Variants in HMGCS1 observed in about 807,000 individuals in gnomAD.
HMGCS1 encodes hydroxymethylglutaryl-CoA synthase, cytoplasmic.
A neutral mutation model predicts 52.3 loss-of-function variants in HMGCS1; 9 were observed. The ratio of observed to expected loss-of-function variants is 0.17; its 90% CI spans 0.10 to 0.30. The LOEUF is 0.30. HMGCS1 is among the 10% of genes least tolerant of loss of function. HMGCS1 has a pLI of 1.00. For synonymous variants in HMGCS1, 176 were observed against 214.4 expected, an observed-to-expected ratio of 0.82 and a Z score of 1.57; for missense variants, 320 against 620.9, an observed-to-expected ratio of 0.52 and a Z score of 5.15.
intron 2 of HMGCS1, among the ~76,000 whole-genome samples, chr5:43,307,067 AT>A (rs59297862): frequency 0.37 from 45,631 of 123,524 alleles, 7,447 homozygotes; most frequent in Middle Eastern, 0.47. Flanking sequence ...TTCTCACATA[AT>A]TTTTTTTTTT....
At chr5:43,295,696 C>G in intron 6 of HMGCS1, 56 bp downstream of exon 6, 1 of 1,296,688 alleles carries the variant, frequency 7.7e-7, no homozygotes, top group Non-Finnish European at 1.1e-6. Flanking sequence ...AACAGCTTAA[C>G]AGATATTAAA....
chr5:43,293,512 T>C (rs924515829), intron 8 of HMGCS1, among the ~76,000 whole-genome samples: 2 of 151,818 alleles, frequency 1.3e-5, no homozygotes, highest in East Asian at 3.9e-4. Context: ...CATAAGCCTA[T>C]AAAAATTAGA....
At chr5:43,301,436 C>T (rs1214572180) in intron 2 of HMGCS1, among the ~76,000 whole-genome samples, 5 of 151,836 alleles carry the variant, frequency 3.3e-5, no homozygotes, top group South Asian at 2.1e-4. Flanking sequence ...TTTCCAACTC[C>T]GGAATCAATT....
chr5:43,307,247 A>G (rs2111732770), intron 2 of HMGCS1, among the ~76,000 whole-genome samples: 1 of 151,720 alleles, frequency 6.6e-6, no homozygotes, highest in Middle Eastern at 3.4e-3. Context: ...ATTTTTTTGT[A>G]TTTTTAGTAG....
At position 43,287,470 on chromosome 5, in the gene HMGCS1, TTGAA is replaced by T. The variant is rs1753547401; in HGVS notation, c.*3657_*3660del. On this transcript the variant is annotated 3_prime_UTR_variant, in exon 11 of 11. Transcript: ENST00000325110. ...AAAAAACAGAGCCTGAGAGAAAAGCTTGAATGAAAGTCATTTATTTGAGAAGCGA... is the reference window on the plus strand; with the variant it reads ...AAAAAACAGAGCCTGAGAGAAAAGCTTGAAAGTCATTTATTTGAGAAGCGA... 1 of 152,170 alleles carries T rather than the reference TTGAA, an allele frequency of 6.6e-6. No homozygotes were observed. Among genetic ancestry groups the T allele is most frequent in the Non-Finnish European group, 1.5e-5 (1 of 68,048 alleles). 9.4% of individuals were successfully genotyped at this position (152,170 alleles called of 1,614,324 possible).
chr5:43,292,547 G>A lies in HMGCS1; in HGVS notation c.1400C>T (p.Ala467Val), dbSNP rs1161052398. 2 of 1,613,960 alleles carry A rather than the reference G, an allele frequency of 1.2e-6. No individual in the cohort carries two copies. The highest frequency in any genetic ancestry group is 2.7e-5 in the African/African-American group (2 of 75,036). The change falls in exon 10 of 11, where the codon GCT becomes GTT. Residue 467 changes from alanine (A) to valine (V), a missense_variant. By Grantham distance (64) the Ala-to-Val change is moderately conservative. Transcript: ENST00000325110. ...GTCATCATTTGGAGTGGGACGCCGAGCGTAAGTTCTTCTGTGCTTTTCATC... is the reference window on the plus strand; with the variant it reads ...GTCATCATTTGGAGTGGGACGCCGAACGTAAGTTCTTCTGTGCTTTTCATC... Reference protein sequence around the residue: ...RVDEKHRRTYARRPTPNDDTL... With the variant: ...RVDEKHRRTYVRRPTPNDDTL...
chr5:43,311,322 CAA>C (rs34754612), intron 1 of HMGCS1, among the ~76,000 whole-genome samples: 137 of 98,298 alleles, frequency 1.4e-3, no homozygotes, highest in African/African-American at 1.4e-3. Flanking sequence ...TCTGTCTCCC[CAA>C]AAAAAAAAAA....
chr5:43,293,003 G>T, intron 8 of HMGCS1, 30 bp from the exon 9 acceptor site: 8 of 1,548,138 alleles, frequency 5.2e-6, no homozygotes, highest in Non-Finnish European at 6.1e-6. Context: ...AACATTAAAA[G>T]ATTTTTTTGA....
rs1257030341 is a variant in HMGCS1, at chr5:43,297,980, A to G, written c.574+29T>C. ...AATTTCTCAGCATATTGTGCTAAAAAAAACAAAAATGCTTTCCCAAGCACT... is the reference window on the plus strand; with the variant it reads ...AATTTCTCAGCATATTGTGCTAAAAGAAACAAAAATGCTTTCCCAAGCACT... On this transcript the variant is annotated intron_variant, in intron 4 of 10. Coordinates refer to ENST00000325110, the MANE Select transcript of HMGCS1 (RefSeq NM_001098272.3). 5 of 1,604,936 alleles carry G rather than the reference A, an allele frequency of 3.1e-6. No homozygotes were observed. The African/African-American group carries it at 4.0e-5, about 13-fold the overall frequency.
In HMGCS1 at chr5:43,304,516, A is replaced by C. The variant is rs375152842; in HGVS notation, c.-11+3250T>G. On this transcript the variant is annotated intron_variant, in intron 2 of 10. Transcript: ENST00000325110. ...ATAATGCTTGTACAATTCTCTATAA[A>C]AAGTTATAATGCAAGGCTTCCATTT... Among the ~76,000 whole-genome samples, 53 of 152,350 alleles carry C rather than the reference A, an allele frequency of 3.5e-4. 1 individual carries two copies. In the South Asian group the frequency reaches 9.3e-3, roughly 27 times the overall value.
Position 43,294,057 on chromosome 5 carries a change from C to T in HMGCS1, c.1182G>A (p.Pro394=), listed in dbSNP as rs182480352. ...YSLKVTQDAT[P]GSALDKITAS... is the part of the protein sequence containing the mutation. The stretch of plus-strand genomic sequence containing the variant: ...CTTGTTGAAAGATTCAGCACTTACC[C>T]GGTGTAGCATCTTGTGTGACTTTAA... The change falls in exon 8 of 11, where the codon CCG becomes CCA. Residue 394 remains proline, a splice_region_variant and synonymous_variant. Transcript: ENST00000325110. 72 of 1,576,292 alleles carry T rather than the reference C, an allele frequency of 4.6e-5. No homozygotes were observed. Among genetic ancestry groups the T allele is most frequent in the Middle Eastern group, 1.7e-4 (1 of 6,008 alleles).
At chr5:43,306,277 C>A (rs2111726509) in intron 2 of HMGCS1, among the ~76,000 whole-genome samples, 1 of 152,208 alleles carries the variant, frequency 6.6e-6, no homozygotes, top group East Asian at 1.9e-4. Context: ...GAGAATAAAT[C>A]TGGAAATGAA....
rs897116458 is a variant in HMGCS1 at position 43,288,623 on chromosome 5, C to T, written c.*2508G>A. On this transcript the variant is annotated 3_prime_UTR_variant, in exon 11 of 11. Coordinates refer to ENST00000325110, the MANE Select transcript of HMGCS1 (RefSeq NM_001098272.3). ...TAAGTGTACAAATAGAGGAAACACA[C>T]ATTCCATAAAGGAGAGGGGGAAAGA... 5.9e-5 allele frequency: 9 copies of T among 152,028 alleles called. No homozygotes were observed. The highest frequency in any genetic ancestry group is 1.3e-4 in the Non-Finnish European group (9 of 68,018). The allele number at this position is 152,028 out of a possible 1,614,324, so 9.4% of individuals were successfully genotyped here.
chr5:43,310,921 A>T (rs1040523973), intron 1 of HMGCS1, among the ~76,000 whole-genome samples: 1 of 152,214 alleles, frequency 6.6e-6, no homozygotes, highest in African/African-American at 2.4e-5. Context: ...GATGAAGACA[A>T]CACTTCAGGC....
In HMGCS1 at chr5:43,298,777, T is replaced by C; in HGVS notation, c.189A>G (p.Glu63=). The C allele has an allele frequency of 6.2e-7, 1 of 1,614,220 alleles. No individual in the cohort carries two copies. The highest frequency in any genetic ancestry group is 8.5e-7 in the Non-Finnish European group (1 of 1,180,022). Residue 63 remains glutamate (E), a synonymous_variant, in exon 3 of 11, where the codon GAA becomes GAG. Transcript: ENST00000325110. The surrounding 1 kb of genome is among the most constrained non-coding windows in gnomAD (Gnocchi z 5.6). ...QAKMGFCTDR[E]DINSLCMTVV... Reference sequence around the variant, plus strand: ...CAGTCATGCAAAGAGAGTTAATATCTTCTCTATCTGTGCAGAAGCCCATCT... The same window carrying C: ...CAGTCATGCAAAGAGAGTTAATATCCTCTCTATCTGTGCAGAAGCCCATCT...
chr5:43,297,838 C>CAAAAAAAAAA (rs371302116), intron 4 of HMGCS1, among the ~76,000 whole-genome samples, 171 bp downstream of exon 4: 1 of 67,938 alleles, frequency 1.5e-5, no homozygotes, highest in African/African-American at 4.8e-5. Context: ...AACTCGGTCT[C>CAAAAAAAAAA]AAAAAAAAAA....
rs1406941411 is a variant in HMGCS1 at position 43,294,083 on chromosome 5, G to T, written c.1156C>A (p.Leu386Ile). The change falls in exon 8 of 11, where the codon CTT becomes ATT. Residue 386 changes from leucine (L) to isoleucine (I), a missense_variant. This residue lies in a region of HMGCS1 where 213 missense variants were observed against 337.4 expected (regional missense o/e 0.63). Transcript: ENST00000325110. ...GSGLAATLYS[L>I]KVTQDATPGS... ...GGTGTAGCATCTTGTGTGACTTTAA[G>T]AGAGTACAGAGTGGCAGCCAAACCA... 3 of 1,610,838 alleles carry T rather than the reference G, an allele frequency of 1.9e-6. No individual in the cohort carries two copies. The highest frequency in any genetic ancestry group is 2.5e-6 in the Non-Finnish European group (3 of 1,177,116).
chr5:43,311,298 C>T (rs952184548), intron 1 of HMGCS1, among the ~76,000 whole-genome samples: 1 of 136,386 alleles, frequency 7.3e-6, no homozygotes, highest in Non-Finnish European at 1.5e-5. Flanking sequence ...CCAGCTTGGG[C>T]GACAGAGCGA....
At chr5:43,305,063 T>TG (rs1754498889) in intron 2 of HMGCS1, among the ~76,000 whole-genome samples, 1 of 151,750 alleles carries the variant, frequency 6.6e-6, no homozygotes, top group Admixed American at 6.6e-5. Flanking sequence ...CTCGGCTCAC[T>TG]GCAACCTCCG....
Sources: gnomAD v4.1 joint callset for allele counts (sites outside exome capture counted in the v4.1 genomes callset) on GRCh38, gnomAD v4.1.1 for gene constraint, gnomAD v4.1.1 regional missense constraint, Gnocchi (gnomAD v3.1) non-coding constraint, MANE v1.5 for transcripts, NCBI Gene and HGNC (gene_info 2026-07-23, HGNC 2026-07-21) for gene names.